Variants in DIP2C observed in about 807,000 individuals in gnomAD.
DIP2C encodes DIP2 acetate--CoA ligase C (putative), also known as disco-interacting protein 2 homolog C.
DIP2C carries 33 observed loss-of-function variants against 192.4 expected under a neutral mutation model. That is an observed-to-expected ratio of 0.17 (90% CI 0.13 to 0.23). DIP2C has a LOEUF of 0.23. Ranked by LOEUF, DIP2C falls within the 10% of genes least tolerant of loss-of-function variation. DIP2C has a pLI of 1.00. For missense variants in DIP2C, 1,537 were observed against 2,110.1 expected (o/e 0.73, Z 5.32); for synonymous variants, 979 against 864.1 (o/e 1.13, Z -2.33).
chr10:312,317 T>G (rs1386352159), intron 31 of DIP2C, among the ~76,000 whole-genome samples: 2 of 152,218 alleles, frequency 1.3e-5, no homozygotes, highest in Non-Finnish European at 2.9e-5. Flanking sequence ...GCAAGCTCCT[T>G]GGATGCAAGG....
intron 1 of DIP2C, among the ~76,000 whole-genome samples, chr10:647,312 C>A (rs554244658): frequency 1.5e-5 from 2 of 136,086 alleles, no homozygotes; most frequent in East Asian, 4.7e-4. Flanking sequence ...CCACATTGGA[C>A]GGCGGGAGAG....
At chr10:330,016 A>G (rs1957434675) in intron 29 of DIP2C, among the ~76,000 whole-genome samples, 1 of 152,150 alleles carries the variant, frequency 6.6e-6, no homozygotes, top group South Asian at 2.1e-4. Context: ...TTTTGTAAAT[A>G]AAGTTTTATT....
intron 24 of DIP2C, among the ~76,000 whole-genome samples, chr10:354,124 C>T (rs931549110): frequency 6.6e-6 from 1 of 152,174 alleles, no homozygotes; most frequent in Admixed American, 6.5e-5. Flanking sequence ...CTGTGTCCAG[C>T]GAGCCTTGGA....
At chr10:650,441 T>C (rs1380886893) in intron 1 of DIP2C, 8 of 710,442 alleles carry the variant, frequency 1.1e-5, no homozygotes, top group Non-Finnish European at 1.8e-5. Flanking sequence ...TCTTCATCTA[T>C]GGTAGGTGAC....
At chr10:426,480 T>G (rs1349926094) in intron 4 of DIP2C, among the ~76,000 whole-genome samples, 1 of 152,200 alleles carries the variant, frequency 6.6e-6, no homozygotes, top group Non-Finnish European at 1.5e-5. Context: ...CAGAAGGCTT[T>G]GTGTGTGTGA....
At chr10:296,294 G>A (rs1469631068) in intron 32 of DIP2C, among the ~76,000 whole-genome samples, 6 of 152,048 alleles carry the variant, frequency 3.9e-5, no homozygotes, top group African/African-American at 1.4e-4. Context: ...ATTAATTTTT[G>A]TATAAGCTGT....
rs139040881 is a variant in DIP2C at position 362,261 on chromosome 10, C to T, written c.2794+229G>A. ...ACAGAGCCAGTAAGTTACGTGCTGACGACCACACTAACACCCCTGAGCCTA... is the reference window on the plus strand; with the variant it reads ...ACAGAGCCAGTAAGTTACGTGCTGATGACCACACTAACACCCCTGAGCCTA... On this transcript the variant is annotated intron_variant, in intron 22 of 36. Transcript: ENST00000280886. Among the ~76,000 whole-genome samples the T allele has an allele frequency of 2.8e-4, 42 of 152,278 alleles. No homozygotes were observed. The East Asian group carries it at 7.5e-3, about 27-fold the overall frequency.
At position 461,906 on chromosome 10, in the gene DIP2C, T is replaced by A. The variant is rs150953961; in HGVS notation, c.268+10533A>T. 9.8e-4 allele frequency among the ~76,000 whole-genome samples: 149 copies of A among 152,274 alleles called. 3 individuals are homozygous for A. The highest frequency in any genetic ancestry group is 3.5e-3 in the African/African-American group (146 of 41,556). On this transcript the variant is annotated intron_variant, in intron 3 of 36. Transcript: ENST00000280886. ...CAAAACTGCACAAATACATGGAAAC[T>A]GAACAACCTGCTCCTGAATGACTAC...
At chr10:563,475 T>C (rs1246760271) in intron 1 of DIP2C, among the ~76,000 whole-genome samples, 4 of 152,240 alleles carry the variant, frequency 2.6e-5, no homozygotes, top group African/African-American at 9.7e-5. Flanking sequence ...TCAGTATTCA[T>C]GCAATGGCAT....
chr10:630,663 C>G (rs1194820348), intron 1 of DIP2C: 1 of 152,274 alleles, frequency 6.6e-6, no homozygotes, highest in Non-Finnish European at 1.5e-5. Flanking sequence ...CCAAGGGCTG[C>G]GTCCCGGGGC....
chr10:321,671 G>C (rs1397583615), intron 31 of DIP2C, among the ~76,000 whole-genome samples: 1 of 40,500 alleles, frequency 2.5e-5, no homozygotes, highest in Non-Finnish European at 4.1e-5. Flanking sequence ...ACAGTCAGTC[G>C]GGGGTGCGGG....
intron 1 of DIP2C, among the ~76,000 whole-genome samples, chr10:489,666 C>G (rs936959647): frequency 2.6e-4 from 39 of 150,802 alleles, no homozygotes; most frequent in Admixed American, 4.6e-4. Context: ...TCTGACGGTG[C>G]CCGGGGCTTC....
chr10:411,819 G>A (rs572665219), intron 8 of DIP2C, among the ~76,000 whole-genome samples: 9 of 152,348 alleles, frequency 5.9e-5, no homozygotes, highest in African/African-American at 2.2e-4. Flanking sequence ...ATCTACGTTA[G>A]CGTTTCTACG....
chr10:333,940 G>A (rs997643054), intron 29 of DIP2C, among the ~76,000 whole-genome samples: 4 of 152,170 alleles, frequency 2.6e-5, no homozygotes, highest in Admixed American at 2.0e-4. Flanking sequence ...CCATTTGTAT[G>A]TCTTCTTCTG....
At chr10:627,475 G>A (rs528819835) in intron 1 of DIP2C, among the ~76,000 whole-genome samples, 9 of 152,284 alleles carry the variant, frequency 5.9e-5, no homozygotes, top group African/African-American at 1.7e-4. Flanking sequence ...TGGCAACCTC[G>A]CGACATCCAG....
intron 2 of DIP2C, among the ~76,000 whole-genome samples, chr10:474,785 T>C (rs1423441724): frequency 6.6e-6 from 1 of 152,204 alleles, no homozygotes; most frequent in African/African-American, 2.4e-5. Flanking sequence ...TTCATTGCCT[T>C]TCATTTCCAT....
intron 36 of DIP2C, among the ~76,000 whole-genome samples, chr10:279,348 T>A (rs1161425610): frequency 1.3e-5 from 2 of 152,164 alleles, no homozygotes; most frequent in Non-Finnish European, 2.9e-5. Context: ...TATGGAATAG[T>A]CCTAGAGTAT....
intron 16 of DIP2C, 77 bp downstream of exon 16, chr10:383,950 C>T: frequency 7.1e-7 from 1 of 1,410,804 alleles, no homozygotes; most frequent in Admixed American, 3.5e-5. Flanking sequence ...ACTTCACAGC[C>T]TGCCTGCCTC....
chr10:588,693 C>T (rs546974333), intron 1 of DIP2C, among the ~76,000 whole-genome samples: 8 of 152,208 alleles, frequency 5.3e-5, no homozygotes, highest in African/African-American at 1.4e-4. Flanking sequence ...AGGCAGCCTT[C>T]GAGCTCCTCC....
Sources: gnomAD v4.1 joint callset for allele counts (sites outside exome capture counted in the v4.1 genomes callset) on GRCh38, gnomAD v4.1.1 for gene constraint, MANE v1.5 for transcripts, NCBI Gene and HGNC (gene_info 2026-07-23, HGNC 2026-07-21) for gene names.